PRKCA: variants seen among roughly 807,000 people sequenced by gnomAD.
PRKCA encodes the protein protein kinase C alpha type.
Under a neutral mutation model 87.0 loss-of-function variants are expected in PRKCA, and 27 were observed. The observed-to-expected ratio is 0.31, with a 90% CI of 0.23 to 0.43. The LOEUF is 0.43. Ranked by LOEUF, PRKCA falls within the 20% of genes least tolerant of loss-of-function variation. The pLI, the probability that PRKCA is intolerant of heterozygous loss-of-function variation, is 1.00. For synonymous variants in PRKCA, 329 were observed against 311.1 expected, an observed-to-expected ratio of 1.06 and a Z score of -0.61; for missense variants, 518 against 852.3, an observed-to-expected ratio of 0.61 and a Z score of 4.88.
intron 3 of PRKCA, among the ~76,000 whole-genome samples, chr17:66,572,264 C>T (rs1270822531): frequency 2.6e-5 from 4 of 152,108 alleles, no homozygotes; most frequent in Non-Finnish European, 4.4e-5. Flanking sequence ...GTCAGGAGTT[C>T]GAGACCAGCC....
rs1311799900 is a variant in PRKCA, at chr17:66,804,026, A to G, written c.2008A>G (p.Ser670Gly). ...CCAGTTTGTGCACCCCATCTTACAGAGTGCAGTATGAAACTCACCAGCGAG... is the reference window on the plus strand; with the variant it reads ...CCAGTTTGTGCACCCCATCTTACAGGGTGCAGTATGAAACTCACCAGCGAG... ...NPQFVHPILQSAV is the reference protein window; with the variant it reads ...NPQFVHPILQGAV The change falls in exon 17 of 17, where the codon AGT (serine) becomes GGT (glycine). Residue 670 changes from serine (S) to glycine (G), a missense_variant. Physicochemically the swap from Ser to Gly is moderately conservative, Grantham distance 56. Around this residue, in one of 5 missense-constraint regions of PRKCA, gnomAD observed 159 missense variants for 232.4 expected, o/e 0.68. Coordinates refer to ENST00000413366, the MANE Select transcript of PRKCA (RefSeq NM_002737.3). 1 of 1,609,696 alleles carries G rather than the reference A, an allele frequency of 6.2e-7. No individual in the cohort carries two copies. The highest frequency in any genetic ancestry group is 8.5e-7 in the Non-Finnish European group (1 of 1,176,504).
At chr17:66,566,927 A>G (rs1968922652) in intron 3 of PRKCA, among the ~76,000 whole-genome samples, 2 of 152,196 alleles carry the variant, frequency 1.3e-5, no homozygotes, top group African/African-American at 4.8e-5. Context: ...AAGATGCTTA[A>G]TGAAAGGATG....
At chr17:66,718,509 G>C (rs1019021022) in intron 8 of PRKCA, among the ~76,000 whole-genome samples, 1 of 152,112 alleles carries the variant, frequency 6.6e-6, no homozygotes, top group African/African-American at 2.4e-5. Context: ...TAGAGATGGG[G>C]GTCTCACTGT....
At chr17:66,315,374 C>T (rs866617338) in intron 2 of PRKCA, among the ~76,000 whole-genome samples, 1 of 152,178 alleles carries the variant, frequency 6.6e-6, no homozygotes, top group Non-Finnish European at 1.5e-5. Context: ...GCTGTTAAGC[C>T]AGGTGTTCTG....
chr17:66,708,351 CCTGGGACCT>C (rs1283109290), intron 8 of PRKCA, among the ~76,000 whole-genome samples: 1 of 152,148 alleles, frequency 6.6e-6, no homozygotes, highest in Non-Finnish European at 1.5e-5. Context: ...GGAAGGATTC[CCTGGGACCT>C]CTTGCAGATG....
chr17:66,524,948 C>T (rs1298280598), intron 3 of PRKCA, among the ~76,000 whole-genome samples: 1 of 152,196 alleles, frequency 6.6e-6, no homozygotes, highest in Non-Finnish European at 1.5e-5. Flanking sequence ...ACAGATCCTC[C>T]CATCCTGGTT....
intron 5 of PRKCA, among the ~76,000 whole-genome samples, chr17:66,680,309 C>G (rs1461736088): frequency 6.6e-6 from 1 of 152,156 alleles, no homozygotes; most frequent in Admixed American, 6.6e-5. Context: ...TTTGTTTACT[C>G]TCGCTTTTGC....
chr17:66,765,418 C>CCATATATATA (rs1555646684), intron 13 of PRKCA, among the ~76,000 whole-genome samples: 2 of 49,310 alleles, frequency 4.1e-5, no homozygotes, highest in East Asian at 6.2e-4. Context: ...AAGACTTTGT[C>CCATATATATA]TATATATATA....
chr17:66,724,307 AAG>A (rs1555640935), intron 8 of PRKCA, among the ~76,000 whole-genome samples: 1 of 151,796 alleles, frequency 6.6e-6, no homozygotes, highest in Non-Finnish European at 1.5e-5. Context: ...AAAAAAAAAA[AAG>A]AACTGAACAG....
chr17:66,526,520 A>T (rs191946962), intron 3 of PRKCA, among the ~76,000 whole-genome samples: 2 of 152,244 alleles, frequency 1.3e-5, no homozygotes, highest in Non-Finnish European at 2.9e-5. Flanking sequence ...TGGGGCAGCT[A>T]GCTTGGGTGT....
intron 2 of PRKCA, among the ~76,000 whole-genome samples, chr17:66,430,614 G>C (rs16959265): frequency 0.041 from 6,171 of 152,070 alleles, 188 homozygotes; most frequent in Admixed American, 0.074. Context: ...GCCACAAAGA[G>C]GTTCCAGATT....
chr17:66,802,545 G>T (rs1051099812), intron 16 of PRKCA, among the ~76,000 whole-genome samples: 1 of 151,962 alleles, frequency 6.6e-6, no homozygotes, highest in East Asian at 1.9e-4. Flanking sequence ...ACGAAAGTAG[G>T]TTCTCAAGCA....
At chr17:66,342,701 G>A (rs911257359) in intron 2 of PRKCA, among the ~76,000 whole-genome samples, 1 of 152,050 alleles carries the variant, frequency 6.6e-6, no homozygotes, top group African/African-American at 2.4e-5. Flanking sequence ...CCACATCTTT[G>A]ATAGTAGATT....
chr17:66,481,229 A>G (rs1300566360), intron 2 of PRKCA, among the ~76,000 whole-genome samples: 2 of 152,106 alleles, frequency 1.3e-5, no homozygotes, highest in East Asian at 3.9e-4. Context: ...TTTCCAAACT[A>G]AAAGCTCCAG....
At chr17:66,688,853 T>C in intron 7 of PRKCA, 98 bp from the exon 8 acceptor site, 2 of 740,150 alleles carry the variant, frequency 2.7e-6, no homozygotes, top group South Asian at 3.3e-5. Context: ...GGCTGTAGCC[T>C]CTCCGTAGGA....
chr17:66,765,426 A>ATCTATATATCTATATC (rs1343913537), intron 13 of PRKCA, among the ~76,000 whole-genome samples: 3,011 of 124,278 alleles, frequency 0.024, 110 homozygotes, highest in Middle Eastern at 0.091. Context: ...GTCTATATAT[A>ATCTATATATCTATATC]TATATATATA....
chr17:66,590,575 G>A (rs188532766), intron 3 of PRKCA, among the ~76,000 whole-genome samples: 4 of 152,278 alleles, frequency 2.6e-5, no homozygotes, highest in African/African-American at 7.2e-5. Context: ...TGGTCTGGAC[G>A]TAGTGGCTCA....
At position 66,730,487 on chromosome 17, in the gene PRKCA, G is replaced by C. The variant is rs536895010; in HGVS notation, c.919-2201G>C. On this transcript the variant is annotated intron_variant, in intron 8 of 16. Transcript: ENST00000413366. The stretch of plus-strand genomic sequence containing the variant: ...TAAACGAGGGGTGGATTATTCATGA[G>C]TTTTCTGGGAAAGGGGCAGGGAATT... Among the ~76,000 whole-genome samples, 94 of 152,312 alleles carry C rather than the reference G, an allele frequency of 6.2e-4. 2 individuals are homozygous for C. The South Asian group carries it at 0.018, about 30-fold the overall frequency.
intron 3 of PRKCA, among the ~76,000 whole-genome samples, chr17:66,540,530 C>T (rs556491497): frequency 1.3e-5 from 2 of 152,112 alleles, no homozygotes; most frequent in South Asian, 2.1e-4. Flanking sequence ...GGCTGCCGTG[C>T]GGGGGCTGCA....
Sources: gnomAD v4.1 joint callset for allele counts (sites outside exome capture counted in the v4.1 genomes callset) on GRCh38, gnomAD v4.1.1 for gene constraint, gnomAD v4.1.1 regional missense constraint, MANE v1.5 for transcripts, NCBI Gene and HGNC (gene_info 2026-07-23, HGNC 2026-07-21) for gene names.